The following NRXN3 variants were observed in gnomAD, a reference collection of about 807,000 sequenced individuals.
NRXN3 encodes neurexin III.
A neutral mutation model predicts 137.6 loss-of-function variants in NRXN3; 32 were observed. That is an observed-to-expected ratio of 0.23 (90% CI 0.18 to 0.31). The LOEUF is 0.31. Among genes scored for constraint, NRXN3 ranks in the 10% least tolerant of loss-of-function variants. The pLI is 1.00. For synonymous variants in NRXN3, 798 were observed against 784.5 expected (o/e 1.02, Z -0.29); for missense variants, 1,574 against 2,062.5 (o/e 0.76, Z 4.59).
At chr14:79,267,575 C>G (rs2153420144) in intron 15 of NRXN3, among the ~76,000 whole-genome samples, 1 of 152,106 alleles carries the variant, frequency 6.6e-6, no homozygotes, top group East Asian at 1.9e-4. Flanking sequence ...CCAGGCTGGT[C>G]TTGAACTCCT....
intron 2 of NRXN3, among the ~76,000 whole-genome samples, chr14:78,245,144 A>G: frequency 6.6e-6 from 1 of 152,162 alleles, no homozygotes; most frequent in Admixed American, 6.5e-5. Context: ...TTTAGGATTA[A>G]GCCCTGGTTT....
intron 10 of NRXN3, among the ~76,000 whole-genome samples, chr14:78,916,431 C>G (rs2099255610): frequency 6.6e-6 from 1 of 152,086 alleles, no homozygotes; most frequent in Non-Finnish European, 1.5e-5. Context: ...AGAAGCTTGT[C>G]CGAGGTGAGG....
At chr14:79,339,551 A>C (rs889337362) in intron 15 of NRXN3, among the ~76,000 whole-genome samples, 2 of 152,238 alleles carry the variant, frequency 1.3e-5, no homozygotes, top group Admixed American at 6.5e-5. Context: ...GACCACCTGC[A>C]TTAGCATCAC....
At chr14:79,154,256 G>A (rs1471650030) in intron 15 of NRXN3, among the ~76,000 whole-genome samples, 1 of 151,914 alleles carries the variant, frequency 6.6e-6, no homozygotes, top group African/African-American at 2.4e-5. Flanking sequence ...TGATAGCCAT[G>A]TTGTCAATGC....
chr14:78,460,810 AT>A (rs11318025), intron 4 of NRXN3, among the ~76,000 whole-genome samples: 116,328 of 151,372 alleles, frequency 0.77, 47,519 homozygotes, highest in Non-Finnish European at 0.92. Context: ...TGATATTGGG[AT>A]TTTTTTTTTC....
chr14:78,412,447 T>C (rs1461171579), intron 4 of NRXN3, among the ~76,000 whole-genome samples: 1 of 152,240 alleles, frequency 6.6e-6, no homozygotes, highest in African/African-American at 2.4e-5. Context: ...TTCATCTACA[T>C]TGATTGATAC....
At chr14:78,762,206 C>G (rs1348392034) in intron 8 of NRXN3, among the ~76,000 whole-genome samples, 1 of 152,166 alleles carries the variant, frequency 6.6e-6, no homozygotes, top group South Asian at 2.1e-4. Context: ...TAGGAAATCA[C>G]GATGTATCGG....
At chr14:79,119,787 G>C (rs2055099388) in intron 15 of NRXN3, among the ~76,000 whole-genome samples, 1 of 151,908 alleles carries the variant, frequency 6.6e-6, no homozygotes, top group African/African-American at 2.4e-5. Flanking sequence ...TGTATTTCCT[G>C]TTATTTTTAT....
chr14:79,768,287 T>A (rs2099063468), intron 19 of NRXN3, among the ~76,000 whole-genome samples: 2 of 152,236 alleles, frequency 1.3e-5, no homozygotes, highest in Non-Finnish European at 2.9e-5. Context: ...CAAGGAGGCC[T>A]GCCTGCCTCT....
At chr14:78,327,813 C>A (rs1232013682) in intron 4 of NRXN3, among the ~76,000 whole-genome samples, 1 of 152,088 alleles carries the variant, frequency 6.6e-6, no homozygotes, top group Non-Finnish European at 1.5e-5. Flanking sequence ...GGAGTGGGAG[C>A]CTCCCTCACA....
chr14:79,481,689 A>G (rs572138918), intron 16 of NRXN3, among the ~76,000 whole-genome samples: 5 of 152,338 alleles, frequency 3.3e-5, no homozygotes, highest in African/African-American at 1.2e-4. Context: ...ATTGCAGTAG[A>G]GAAAGAGTTT....
rs544346011 is a variant in NRXN3, at chr14:79,865,264, C to T, written c.*3300C>T. 2 of 152,262 alleles carry T rather than the reference C, an allele frequency of 1.3e-5. No individual in the cohort carries two copies. Among genetic ancestry groups the T allele is most frequent in the Non-Finnish European group, 2.9e-5 (2 of 68,028 alleles). The allele number at this position is 152,262 out of a possible 1,614,324, so 9.4% of individuals were successfully genotyped here. A position where few individuals can be genotyped will look rare whatever the true frequency, so the allele number is the denominator to read the frequency against. ...TAAATGAGTTCTTCAATTTTAACAG[C>T]TTCTTACAAGAATTTCTGATTACAA... On this transcript the variant is annotated 3_prime_UTR_variant, in exon 21 of 21. Transcript: ENST00000335750.
chr14:78,447,345 A>T (rs2094444853), intron 4 of NRXN3, among the ~76,000 whole-genome samples: 2 of 152,338 alleles, frequency 1.3e-5, no homozygotes, highest in African/African-American at 4.8e-5. Flanking sequence ...ATACATTTTG[A>T]CTGTATCGTT....
chr14:78,895,336 A>C (rs957925906), intron 10 of NRXN3, among the ~76,000 whole-genome samples: 1 of 151,826 alleles, frequency 6.6e-6, no homozygotes, highest in Admixed American at 6.6e-5. Context: ...TGTTATAGAG[A>C]TGATTTCTCT....
At chr14:78,345,830 C>T (rs1208546141) in intron 4 of NRXN3, among the ~76,000 whole-genome samples, 3 of 152,136 alleles carry the variant, frequency 2.0e-5, no homozygotes, top group Non-Finnish European at 4.4e-5. Flanking sequence ...GTTGACAATA[C>T]CGAGGGAAAC....
chr14:78,652,093 G>A lies in NRXN3; in HGVS notation c.1221+767G>A, dbSNP rs143407000. ...AAATAGGAAAGCTCTAGCTAAAAGT[G>A]GCTCAATCTGTTGTTGTGTACCCTG... is the stretch of plus-strand genomic sequence containing the variant. On this transcript the variant is annotated intron_variant, in intron 6 of 20. Transcript: ENST00000335750. Among the ~76,000 whole-genome samples the A allele has an allele frequency of 7.2e-4, 110 of 152,306 alleles. 1 individual carries two copies. The highest frequency in any genetic ancestry group is 3.4e-3 in the Middle Eastern group (1 of 294).
At chr14:78,761,108 T>TA (rs1158107648) in intron 8 of NRXN3, among the ~76,000 whole-genome samples, 2 of 152,114 alleles carry the variant, frequency 1.3e-5, no homozygotes, top group Non-Finnish European at 2.9e-5. Flanking sequence ...AAATTATTCA[T>TA]AAAAAACAAT....
At chr14:78,258,106 T>G (rs79757384) in intron 2 of NRXN3, among the ~76,000 whole-genome samples, 1,582 of 152,346 alleles carry the variant, frequency 0.01, 31 homozygotes, top group African/African-American at 0.036. Context: ...AAATGGGGAT[T>G]ATAATAGTGT....
intron 9 of NRXN3, 132 bp downstream of exon 9, chr14:78,803,955 A>G: frequency 1.2e-6 from 1 of 839,514 alleles, no homozygotes; most frequent in Non-Finnish European, 1.9e-6. Context: ...TAACAGACCC[A>G]GGATAAAACC....
Sources: allele counts gnomAD v4.1 joint callset (sites outside exome capture counted in the v4.1 genomes callset), GRCh38; gene constraint gnomAD v4.1.1; transcripts MANE v1.5; gene names NCBI Gene and HGNC (gene_info 2026-07-23, HGNC 2026-07-21).